The following SIK3 variants were observed in gnomAD, a reference collection of about 807,000 sequenced individuals.
SIK3 encodes serine/threonine-protein kinase SIK3.
SIK3 carries 28 observed loss-of-function variants against 144.2 expected under a neutral mutation model. The observed-to-expected ratio is 0.19, with a 90% CI of 0.14 to 0.27. SIK3 has a LOEUF of 0.27. Among genes scored for constraint, SIK3 ranks in the 10% least tolerant of loss-of-function variants. SIK3 has a pLI of 1.00. For synonymous variants in SIK3, 686 were observed against 676.3 expected, an observed-to-expected ratio of 1.01 and a Z score of -0.22; for missense variants, 1,319 against 1,776.0, an observed-to-expected ratio of 0.74 and a Z score of 4.62.
At chr11:116,924,273 G>A (rs1285627656) in intron 4 of SIK3, among the ~76,000 whole-genome samples, 1 of 150,152 alleles carries the variant, frequency 6.7e-6, no homozygotes, top group Non-Finnish European at 1.5e-5. Flanking sequence ...TCCAGCCTGG[G>A]CAACAGTGTG....
intron 1 of SIK3, among the ~76,000 whole-genome samples, chr11:117,066,827 T>C (rs1184993079): frequency 6.6e-6 from 1 of 152,186 alleles, no homozygotes; most frequent in Non-Finnish European, 1.5e-5. Flanking sequence ...CATGAGCCAC[T>C]GTGCCCGGTC....
chr11:116,948,606 T>C lies in SIK3; in HGVS notation c.454+5438A>G, dbSNP rs1219820498. ...TTTGTTTCTTAAGGGACTGTAGTAA[T>C]GTTCCTTTCTTTCACTTCTGATTCT... On this transcript the variant is annotated intron_variant, in intron 3 of 24. Coordinates refer to ENST00000445177, the MANE Select transcript of SIK3 (RefSeq NM_001366686.3). 6.6e-5 allele frequency among the ~76,000 whole-genome samples: 10 copies of C among 152,168 alleles called. No individual in the cohort carries two copies. In the East Asian group the frequency reaches 7.7e-4, roughly 12 times the overall value.
At chr11:117,089,913 T>C (rs1955169811) in intron 1 of SIK3, among the ~76,000 whole-genome samples, 1 of 152,196 alleles carries the variant, frequency 6.6e-6, no homozygotes, top group Non-Finnish European at 1.5e-5. Flanking sequence ...AAGTCTGAGA[T>C]AAAATACCAT....
intron 4 of SIK3, among the ~76,000 whole-genome samples, chr11:116,926,052 T>C (rs1294422779): frequency 6.6e-6 from 1 of 152,194 alleles, no homozygotes; most frequent in East Asian, 1.9e-4. Flanking sequence ...CCTGCAAAGG[T>C]ACCCTTAGGT....
chr11:117,025,252 C>G (rs913340161), intron 1 of SIK3, among the ~76,000 whole-genome samples: 1 of 152,100 alleles, frequency 6.6e-6, no homozygotes, highest in Admixed American at 6.5e-5. Context: ...ATCACTGATC[C>G]GGTCCAACCC....
At chr11:116,884,912 T>C (rs1386581457) in intron 6 of SIK3, among the ~76,000 whole-genome samples, 6 of 152,236 alleles carry the variant, frequency 3.9e-5, no homozygotes, top group Admixed American at 3.9e-4. Flanking sequence ...CTTGACACAA[T>C]GGCACTAAGA....
intron 1 of SIK3, among the ~76,000 whole-genome samples, chr11:117,094,463 C>G (rs969173483): frequency 6.6e-6 from 1 of 151,900 alleles, no homozygotes. Context: ...TAAAAATTAA[C>G]CTGGTGTGGT....
intron 1 of SIK3, among the ~76,000 whole-genome samples, chr11:116,963,254 G>A (rs1949410867): frequency 6.6e-6 from 1 of 152,188 alleles, no homozygotes; most frequent in East Asian, 1.9e-4. Context: ...CCCAGGAGGG[G>A]TTCTCTCAGA....
In SIK3 at chr11:117,076,872, G is replaced by A. The variant is rs1465626911; in HGVS notation, c.273+21271C>T. 3.3e-5 allele frequency among the ~76,000 whole-genome samples: 5 copies of A among 152,234 alleles called. No individual in the cohort carries two copies. The South Asian group carries it at 8.3e-4, about 25-fold the overall frequency. On this transcript the variant is annotated intron_variant, in intron 1 of 24. Coordinates refer to ENST00000445177, the MANE Select transcript of SIK3 (RefSeq NM_001366686.3). ...AACATAATTTTAATTATTCTGGAAT[G>A]AGACCAGGTGTGGCTGCTCATGCCT... is the stretch of plus-strand genomic sequence containing the variant.
chr11:117,023,252 AC>A (rs531997279), intron 1 of SIK3, among the ~76,000 whole-genome samples: 23 of 151,442 alleles, frequency 1.5e-4, no homozygotes, highest in African/African-American at 5.1e-4. Context: ...TCCCCTCACC[AC>A]CCCCAAAGCA....
intron 1 of SIK3, among the ~76,000 whole-genome samples, chr11:116,997,518 T>G (rs1473935373): frequency 6.6e-6 from 1 of 152,226 alleles, no homozygotes; most frequent in African/African-American, 2.4e-5. Context: ...ACTTAAAAAT[T>G]TGATAAAAGG....
rs528440521 is a variant in SIK3, at chr11:116,924,761, G to A, written c.616+2458C>T. ...ACTATGTCTTCAATGCTTGGTGGGG[G>A]CTGGGGGTGTCCTCTGCTATCCAGG... On this transcript the variant is annotated intron_variant, in intron 4 of 24. Transcript: ENST00000445177. Among the ~76,000 whole-genome samples the A allele has an allele frequency of 8.5e-5, 13 of 152,318 alleles. No individual in the cohort carries two copies. The East Asian group carries it at 2.5e-3, about 29-fold the overall frequency.
chr11:117,020,269 T>C (rs1951719116), intron 1 of SIK3, among the ~76,000 whole-genome samples: 1 of 99,712 alleles, frequency 1.0e-5, no homozygotes, highest in Non-Finnish European at 2.0e-5. Flanking sequence ...ATCTCCATGG[T>C]TCCTGGCTTA....
rs1943161588 is a variant in SIK3, at chr11:116,859,181, C to T, written c.2765+84G>A. 7.0e-6 allele frequency: 9 copies of T among 1,277,024 alleles called. No homozygotes were observed. The South Asian group carries it at 1.3e-4, about 19-fold the overall frequency. The allele number at this position is 1,277,024 out of a possible 1,614,324, so 79.1% of individuals were successfully genotyped here. A position where few individuals can be genotyped will look rare whatever the true frequency, so the allele number is the denominator to read the frequency against. ...AGCCTAGTCAGACCCATTCTCCTTCCCTCCTTTTCTCTCACTCTGCTAAGG... is the reference window on the plus strand; with the variant it reads ...AGCCTAGTCAGACCCATTCTCCTTCTCTCCTTTTCTCTCACTCTGCTAAGG... On this transcript the variant is annotated intron_variant, in intron 20 of 24. Coordinates refer to ENST00000445177, the MANE Select transcript of SIK3 (RefSeq NM_001366686.3).
chr11:116,965,163 G>T lies in SIK3; in HGVS notation c.274-8099C>A, dbSNP rs139186135. ...AAGATATAGAAGAGAAATTTTTAAA[G>T]ACAAAAAGAAAATGATTTCTCAGTT... On this transcript the variant is annotated intron_variant, in intron 1 of 24. Transcript: ENST00000445177. Among the ~76,000 whole-genome samples the T allele has an allele frequency of 2.1e-3, 314 of 152,136 alleles. 3 individuals carry two copies. The highest frequency in any genetic ancestry group is 7.1e-3 in the African/African-American group (293 of 41,528).
At chr11:116,893,320 G>A (rs1945228722) in intron 6 of SIK3, among the ~76,000 whole-genome samples, 1 of 151,940 alleles carries the variant, frequency 6.6e-6, no homozygotes, top group African/African-American at 2.4e-5. Context: ...CAGCACAGAG[G>A]GTACATGCAA....
intron 1 of SIK3, among the ~76,000 whole-genome samples, chr11:116,990,484 C>T (rs967518041): frequency 6.6e-6 from 1 of 152,132 alleles, no homozygotes; most frequent in Admixed American, 6.5e-5. Context: ...ACTCAGAATA[C>T]GTGGTCTAAT....
chr11:116,857,001 G>C (rs1591383037), intron 21 of SIK3: 1 of 152,284 alleles, frequency 6.6e-6, no homozygotes, highest in African/African-American at 2.4e-5. Flanking sequence ...ATTTTGTCTA[G>C]GATGAATGCC....
intron 1 of SIK3, among the ~76,000 whole-genome samples, chr11:117,086,813 G>T (rs866962085): frequency 6.6e-6 from 1 of 151,802 alleles, no homozygotes; most frequent in Non-Finnish European, 1.5e-5. Flanking sequence ...TGACTAACAC[G>T]GTGAAACCCC....
Sources: allele counts gnomAD v4.1 joint callset (sites outside exome capture counted in the v4.1 genomes callset), GRCh38; gene constraint gnomAD v4.1.1; transcripts MANE v1.5; gene names NCBI Gene and HGNC (gene_info 2026-07-23, HGNC 2026-07-21).